MMP26: variants seen among roughly 807,000 people sequenced by gnomAD.
The protein encoded by MMP26 is matrix metallopeptidase 26.
In MMP26, 33 loss-of-function variants were observed where a neutral mutation model predicts 31.0. That is an observed-to-expected ratio of 1.06 (90% CI 0.81 to 1.42). The LOEUF is 1.42. MMP26 is among the 40% of genes most tolerant of loss of function. MMP26 has a pLI of 0.00. For missense variants in MMP26, 347 were observed against 316.1 expected (o/e 1.10, Z -0.74); for synonymous variants, 122 against 114.9 (o/e 1.06, Z -0.40).
At chr11:4,705,722 G>T (rs1171236349) in intron 1 of MMP26, among the ~76,000 whole-genome samples, 4 of 152,192 alleles carry the variant, frequency 2.6e-5, no homozygotes, top group African/African-American at 9.7e-5. Flanking sequence ...GGGAGCAGTG[G>T]CTCACGCCTG....
At chr11:4,904,177 G>T (rs952794439) in intron 2 of MMP26, among the ~76,000 whole-genome samples, 2 of 152,058 alleles carry the variant, frequency 1.3e-5, no homozygotes, top group African/African-American at 4.8e-5. Flanking sequence ...TTGTGTTAGA[G>T]ACTATCAGAC....
chr11:4,891,885 T>A (rs920442692), intron 2 of MMP26, among the ~76,000 whole-genome samples: 1 of 152,084 alleles, frequency 6.6e-6, no homozygotes, highest in Non-Finnish European at 1.5e-5. Flanking sequence ...CCTGGGACCA[T>A]TTTTTCTCCC....
intron 2 of MMP26, among the ~76,000 whole-genome samples, chr11:4,961,463 T>C (rs1056113310): frequency 6.6e-6 from 1 of 152,118 alleles, no homozygotes; most frequent in East Asian, 1.9e-4. Flanking sequence ...CAAAATAATA[T>C]TTTACCAGGT....
chr11:4,835,813 C>T (rs190791264), intron 2 of MMP26, among the ~76,000 whole-genome samples: 42 of 152,228 alleles, frequency 2.8e-4, no homozygotes, highest in African/African-American at 8.7e-4. Flanking sequence ...CTATAAAGCT[C>T]TTTATTCTGA....
chr11:4,806,299 T>A (rs959672850), intron 2 of MMP26, among the ~76,000 whole-genome samples: 8 of 152,136 alleles, frequency 5.3e-5, no homozygotes, highest in Non-Finnish European at 1.0e-4. Context: ...GTCTCGTTGG[T>A]CTGTCTAATG....
intron 1 of MMP26, among the ~76,000 whole-genome samples, chr11:4,762,083 A>G (rs894770406): frequency 3.3e-5 from 5 of 152,140 alleles, no homozygotes; most frequent in Admixed American, 3.3e-4. Context: ...ACATTATATT[A>G]TTTAATCTTA....
At chr11:4,879,459 A>G (rs1322804074) in intron 2 of MMP26, among the ~76,000 whole-genome samples, 1 of 152,122 alleles carries the variant, frequency 6.6e-6, no homozygotes, top group African/African-American at 2.4e-5. Context: ...GTAGTATAGC[A>G]TGATGGTTAA....
chr11:4,907,173 A>G (rs1422663777), intron 2 of MMP26, among the ~76,000 whole-genome samples: 1 of 151,508 alleles, frequency 6.6e-6, no homozygotes, highest in Non-Finnish European at 1.5e-5. Flanking sequence ...TGAATTTACC[A>G]TGCTGGAGAA....
At chr11:4,741,861 C>T (rs1848316588) in intron 1 of MMP26, among the ~76,000 whole-genome samples, 3 of 152,072 alleles carry the variant, frequency 2.0e-5, no homozygotes, top group South Asian at 2.1e-4. Context: ...AAAAAAGGGA[C>T]GCTTGGAAGT....
At chr11:4,793,097 A>G (rs1460395252) in intron 2 of MMP26, among the ~76,000 whole-genome samples, 1 of 152,228 alleles carries the variant, frequency 6.6e-6, no homozygotes. Context: ...GGGTGTGTTT[A>G]GAAGCAGTAT....
rs1167740880 is a variant in MMP26, at chr11:4,935,415, C to T, written c.-144-52653C>T. Among the ~76,000 whole-genome samples, 9 of 151,974 alleles carry T rather than the reference C, an allele frequency of 5.9e-5. No individual in the cohort carries two copies. The South Asian group carries it at 1.7e-3, about 28-fold the overall frequency. Reference sequence around the variant, plus strand: ...TGTATAAGAATGCTTGTGATTTTTGCACATTGATTTTGTATCCTGAGACTT... The same window carrying T: ...TGTATAAGAATGCTTGTGATTTTTGTACATTGATTTTGTATCCTGAGACTT... On this transcript the variant is annotated intron_variant, in intron 2 of 7. Coordinates refer to ENST00000380390, the MANE Select transcript of MMP26 (RefSeq NM_021801.5).
chr11:4,798,026 T>C (rs1849130190), intron 2 of MMP26, among the ~76,000 whole-genome samples: 1 of 152,242 alleles, frequency 6.6e-6, no homozygotes, highest in Admixed American at 6.5e-5. Flanking sequence ...CATGCTGAAA[T>C]GCAGTGATGC....
chr11:4,972,185 G>C (rs1846675045), intron 2 of MMP26, among the ~76,000 whole-genome samples: 1 of 152,128 alleles, frequency 6.6e-6, no homozygotes, highest in African/African-American at 2.4e-5. Flanking sequence ...GGAGGGGAAG[G>C]GGCTTTGGTT....
intron 2 of MMP26, among the ~76,000 whole-genome samples, chr11:4,985,866 C>G (rs1179053847): frequency 6.6e-6 from 1 of 152,166 alleles, no homozygotes; most frequent in East Asian, 1.9e-4. Flanking sequence ...TTCTATTGTG[C>G]TCCTTTACCA....
intron 2 of MMP26, among the ~76,000 whole-genome samples, chr11:4,775,798 C>G (rs1281803159): frequency 6.7e-6 from 1 of 149,832 alleles, no homozygotes; most frequent in Non-Finnish European, 1.5e-5. Context: ...AGGAGCCAGG[C>G]CTTTATTCTG....
Position 4,849,425 on chromosome 11 carries a change from T to C in MMP26, c.-145+82084T>C, listed in dbSNP as rs1365915237. On this transcript the variant is annotated intron_variant, in intron 2 of 7. Coordinates refer to ENST00000380390, the MANE Select transcript of MMP26 (RefSeq NM_021801.5). ...CATTCATTCCTTGCCTTTGAGGTTT[T>C]TCTATAGCTGTCCTCATAGCTCTGT... is the stretch of plus-strand genomic sequence containing the variant. 2.6e-5 allele frequency among the ~76,000 whole-genome samples: 4 copies of C among 152,314 alleles called. No homozygotes were observed. The East Asian group carries it at 7.7e-4, about 29-fold the overall frequency.
At chr11:4,842,230 T>C (rs1256256360) in intron 2 of MMP26, among the ~76,000 whole-genome samples, 1 of 152,238 alleles carries the variant, frequency 6.6e-6, no homozygotes, top group Non-Finnish European at 1.5e-5. Flanking sequence ...ATTGGTTTTC[T>C]TTTAGCTTGT....
chr11:4,749,885 C>G (rs1028408052), intron 1 of MMP26, among the ~76,000 whole-genome samples: 1 of 152,130 alleles, frequency 6.6e-6, no homozygotes, highest in African/African-American at 2.4e-5. Context: ...GAGTTCATGA[C>G]TAAGACCTCA....
At chr11:4,754,339 A>G (rs183203148) in intron 1 of MMP26, among the ~76,000 whole-genome samples, 1 of 152,058 alleles carries the variant, frequency 6.6e-6, no homozygotes, top group East Asian at 1.9e-4. Flanking sequence ...ACAGATATCT[A>G]TATTTGAAGA....
Sources: allele counts gnomAD v4.1 joint callset (sites outside exome capture counted in the v4.1 genomes callset), GRCh38; gene constraint gnomAD v4.1.1; transcripts MANE v1.5; gene names NCBI Gene and HGNC (gene_info 2026-07-23, HGNC 2026-07-21).